BHMT: variants seen among roughly 807,000 people sequenced by gnomAD.
The protein encoded by BHMT is betaine--homocysteine S-methyltransferase 1.
A neutral mutation model predicts 49.5 loss-of-function variants in BHMT; 38 were observed. The ratio of observed to expected loss-of-function variants is 0.77; its 90% CI spans 0.59 to 1.01. The LOEUF is 1.01. Ranked by LOEUF, BHMT falls within the 50% of genes least tolerant of loss-of-function variation. BHMT has a pLI of 0.00. For synonymous variants in BHMT, 166 were observed against 176.3 expected, an observed-to-expected ratio of 0.94 and a Z score of 0.46; for missense variants, 426 against 495.7, an observed-to-expected ratio of 0.86 and a Z score of 1.34.
At position 79,127,899 on chromosome 5, in the gene BHMT, G is replaced by C. The variant is rs773721579; in HGVS notation, c.953G>C (p.Arg318Thr). 1.2e-6 allele frequency: 2 copies of C among 1,614,076 alleles called. No individual in the cohort carries two copies. The highest frequency in any genetic ancestry group is 1.7e-6 in the Non-Finnish European group (2 of 1,180,002). Residue 318 changes from arginine (R) to threonine (T), a missense_variant, in exon 7 of 8, where the codon AGG becomes ACG. Physicochemically the swap from Arg to Thr is moderately conservative, Grantham distance 71. Transcript: ENST00000274353. ...ATTGCAGAGGAGCTGGCCCCAGAAA[G>C]GGGCTTTTTGCCACCAGCTTCAGAA... ...RAIAEELAPE[R>T]GFLPPASEKH... is the part of the protein sequence containing the mutation.
At chr5:79,113,606 T>C (rs1756339906) in intron 1 of BHMT, among the ~76,000 whole-genome samples, 1 of 152,234 alleles carries the variant, frequency 6.6e-6, no homozygotes, top group Non-Finnish European at 1.5e-5. Flanking sequence ...GCCTGTTAAA[T>C]TCTGGTGTAT....
At position 79,121,178 on chromosome 5, in the gene BHMT, G is replaced by C. The variant is rs763386338; in HGVS notation, c.478-40G>C. On this transcript the variant is annotated intron_variant, in intron 4 of 7. Transcript: ENST00000274353. ...AAAAAAAAAAAAAATTGTTTTGGGA[G>C]AAACGAGATTAAAAGTACTCTAACC... The C allele has an allele frequency of 3.2e-5, 51 of 1,583,990 alleles. 1 individual carries two copies. Among genetic ancestry groups the C allele is most frequent in the Non-Finnish European group, 1.9e-5 (22 of 1,164,714 alleles).
Position 79,121,285 on chromosome 5 carries a change from C to T in BHMT, c.545C>T (p.Ala182Val), listed in dbSNP as rs1225154425. 1.2e-6 allele frequency: 2 copies of T among 1,614,070 alleles called. No homozygotes were observed. Among genetic ancestry groups the T allele is most frequent in the African/African-American group, 2.7e-5 (2 of 74,916 alleles). The change falls in exon 5 of 8, where the codon GCA becomes GTA. Residue 182 changes from alanine (A) to valine (V), a missense_variant. This residue lies in a region of BHMT where 321 missense variants were observed against 355.9 expected (regional missense o/e 0.90). Transcript: ENST00000274353. ...TTGATAGCATCCGGTAAACCTGTGG[C>T]AGCAACCATGTGCATTGGCCCAGAA... ...ETLIASGKPV[A>V]ATMCIGPEGD... is the part of the protein sequence containing the mutation.
chr5:79,131,054 G>T lies in BHMT; in HGVS notation c.1159G>T (p.Glu387Ter). Residue 387 changes from glutamate to a stop codon, truncating the protein, a stop_gained, in exon 8 of 8, where the codon GAA becomes TAA. Coordinates refer to ENST00000274353, the MANE Select transcript of BHMT (RefSeq NM_001713.3). LOFTEE classifies it high-confidence loss of function. ...AACAGCCGAGCTGATGCAGCAGAAA[G>T]AAGCCACAACTGAGCAGCAGCTGAA... ...KGTAELMQQKEATTEQQLKEL... is the reference protein window; with the variant it reads ...KGTAELMQQK 1 of 1,613,350 alleles carries T rather than the reference G, an allele frequency of 6.2e-7. No individual in the cohort carries two copies. Among genetic ancestry groups the T allele is most frequent in the Non-Finnish European group, 8.5e-7 (1 of 1,179,916 alleles).
chr5:79,120,633 C>T lies in BHMT; in HGVS notation c.477+92C>T, dbSNP rs1470964552. On this transcript the variant is annotated intron_variant, in intron 4 of 7. Transcript: ENST00000274353. ...AAGAGTACTGTGTGGGGTTAGGTGA[C>T]AATCATAACTAGCAATAGTAATATT... 4 of 1,157,280 alleles carry T rather than the reference C, an allele frequency of 3.5e-6. No homozygotes were observed. In the East Asian group the frequency reaches 8.2e-5, roughly 24 times the overall value. The allele number at this position is 1,157,280 out of a possible 1,614,324, so 71.7% of individuals were successfully genotyped here.
At position 79,111,868 on chromosome 5, in the gene BHMT, T is replaced by A; in HGVS notation, c.-18T>A. ...TCGGTCCGCATCCGTGTCGACCACC[T>A]GTCTGGACACCACGAAGATGCCACC... On this transcript the variant is annotated 5_prime_UTR_variant, in exon 1 of 8. Coordinates refer to ENST00000274353, the MANE Select transcript of BHMT (RefSeq NM_001713.3). The A allele has an allele frequency of 6.2e-7, 1 of 1,612,514 alleles. No homozygotes were observed. The highest frequency in any genetic ancestry group is 8.5e-7 in the Non-Finnish European group (1 of 1,179,250).
rs1398745159 is a variant in BHMT at position 79,115,896 on chromosome 5, G to A, written c.163G>A (p.Ala55Thr). 6.2e-7 allele frequency: 1 copy of A among 1,612,922 alleles called. No individual in the cohort carries two copies. The highest frequency in any genetic ancestry group is 8.5e-7 in the Non-Finnish European group (1 of 1,179,534). Residue 55 changes from alanine (A) to threonine (T), a missense_variant, in exon 2 of 8, where the codon GCA becomes ACA. Physicochemically the swap from Ala to Thr is moderately conservative, Grantham distance 58. Transcript: ENST00000274353. ...TPEAAVEHPE[A>T]VRQLHREFLR... ...TGAAGCTGCTGTGGAGCACCCAGAAGCAGGTTGGTGCAGAGCTCTATTGTA... is the reference window on the plus strand; with the variant it reads ...TGAAGCTGCTGTGGAGCACCCAGAAACAGGTTGGTGCAGAGCTCTATTGTA...
In BHMT at chr5:79,126,024, A is replaced by G. The variant is rs777056739; in HGVS notation, c.626-22A>G. ...TGGTTTCTGGTGCATCCCTAAGTCT[A>G]TCATGTTCTTCCCACTCACAGGAGC... On this transcript the variant is annotated intron_variant, in intron 5 of 7. Transcript: ENST00000274353. The G allele has an allele frequency of 1.6e-5, 26 of 1,587,546 alleles. 1 individual carries two copies. Among genetic ancestry groups the G allele is most frequent in the South Asian group, 7.8e-5 (7 of 89,654 alleles).
intron 5 of BHMT, among the ~76,000 whole-genome samples, chr5:79,125,224 G>T (rs1438224579): frequency 6.6e-6 from 1 of 152,078 alleles, no homozygotes; most frequent in African/African-American, 2.4e-5. Context: ...TTGTGAGGCT[G>T]AGCTGGGCGG....
At chr5:79,119,874 C>T (rs1756440864) in intron 3 of BHMT, among the ~76,000 whole-genome samples, 1 of 152,150 alleles carries the variant, frequency 6.6e-6, no homozygotes, top group South Asian at 2.1e-4. Flanking sequence ...TAACAAACAA[C>T]TTTTAAAGTC....
At chr5:79,115,687 A>G in intron 1 of BHMT, 80 bp from the exon 2 acceptor site, 1 of 1,418,428 alleles carries the variant, frequency 7.1e-7, no homozygotes, top group South Asian at 1.7e-5. Flanking sequence ...CTCCAAGAAT[A>G]TGTTAGCAAA....
At position 79,119,369 on chromosome 5, in the gene BHMT, A is replaced by T; in HGVS notation, c.277A>T (p.Lys93Ter). ...GAACAGGGGCAACTATGTCTTAGAG[A>T]AGATATCTGTGAGTAAAACCAGCCG... ...LENRGNYVLE[K>*]ISGQEVNEAA... The change falls in exon 3 of 8, where the codon AAG becomes TAG. Residue 93 changes from lysine (K) to a stop codon, truncating the protein, a stop_gained. Transcript: ENST00000274353. LOFTEE classifies it high-confidence loss of function. 6.2e-7 allele frequency: 1 copy of T among 1,611,062 alleles called. No homozygotes were observed. Among genetic ancestry groups the T allele is most frequent in the South Asian group, 1.1e-5 (1 of 90,688 alleles).
chr5:79,115,538 AC>A (rs566590041), intron 1 of BHMT, among the ~76,000 whole-genome samples: 3 of 151,432 alleles, frequency 2.0e-5, no homozygotes, highest in East Asian at 1.9e-4. Context: ...GTTAAGAAAG[AC>A]CCCCCCACCC....
intron 1 of BHMT, among the ~76,000 whole-genome samples, chr5:79,113,337 C>G (rs191349244): frequency 2.0e-5 from 3 of 152,022 alleles, no homozygotes; most frequent in African/African-American, 7.2e-5. Flanking sequence ...CTCATAGCCA[C>G]GTAAGTCTAA....
chr5:79,125,942 C>CA, intron 5 of BHMT, 104 bp from the exon 6 acceptor site: 2 of 1,255,756 alleles, frequency 1.6e-6, no homozygotes, highest in Non-Finnish European at 2.2e-6. Context: ...GATTGTGTCT[C>CA]AAAAAATGAA....
intron 7 of BHMT, among the ~76,000 whole-genome samples, chr5:79,128,568 CG>C (rs1756591034): frequency 6.8e-6 from 1 of 147,198 alleles, no homozygotes; most frequent in African/African-American, 2.5e-5. Flanking sequence ...TGTAAATAAA[CG>C]TAAGTGGCAA....
At chr5:79,112,054 T>C in intron 1 of BHMT, 136 bp downstream of exon 1, 1 of 1,102,074 alleles carries the variant, frequency 9.1e-7, no homozygotes, top group Non-Finnish European at 1.3e-6. Flanking sequence ...TCCCTCAGCC[T>C]CAGACCAGAA....
rs1322065258 is a variant in BHMT at position 79,126,125 on chromosome 5, G to A, written c.705G>A (p.Leu235=). 6.2e-7 allele frequency: 1 copy of A among 1,613,550 alleles called. No homozygotes were observed. Among genetic ancestry groups the A allele is most frequent in the East Asian group, 2.2e-5 (1 of 44,856 alleles). The change falls in exon 6 of 8, where the codon TTG becomes TTA. Residue 235 remains leucine (L), a synonymous_variant. Transcript: ENST00000274353. ...CAGTGAAGCTCATGAAGGAGGGCTT[G>A]GAGGCTGCCCGACTGAAAGCTCACC... ...LKTVKLMKEG[L]EAARLKAHLM...
chr5:79,124,907 AG>A (rs1756525070), intron 5 of BHMT, among the ~76,000 whole-genome samples: 1 of 152,172 alleles, frequency 6.6e-6, no homozygotes, highest in South Asian at 2.1e-4. Flanking sequence ...AATTCCTTCT[AG>A]CAAACACGTG....
Sources: gnomAD v4.1 joint callset for allele counts (sites outside exome capture counted in the v4.1 genomes callset) on GRCh38, gnomAD v4.1.1 for gene constraint, gnomAD v4.1.1 regional missense constraint, MANE v1.5 for transcripts, NCBI Gene and HGNC (gene_info 2026-07-23, HGNC 2026-07-21) for gene names.